The following FAM171A1 variants were observed in gnomAD, a reference collection of about 807,000 sequenced individuals.
FAM171A1 encodes protein FAM171A1.
In FAM171A1, 23 loss-of-function variants were observed where a neutral mutation model predicts 74.9. The ratio of observed to expected loss-of-function variants is 0.31; its 90% CI spans 0.22 to 0.44. FAM171A1 has a LOEUF of 0.44. FAM171A1 is among the 20% of genes least tolerant of loss of function. The pLI, the probability that FAM171A1 is intolerant of heterozygous loss-of-function variation, is 1.00. For synonymous variants in FAM171A1, 527 were observed against 505.7 expected, an observed-to-expected ratio of 1.04 and a Z score of -0.57; for missense variants, 1,162 against 1,159.2, an observed-to-expected ratio of 1.00 and a Z score of -0.03.
intron 1 of FAM171A1, among the ~76,000 whole-genome samples, chr10:15,352,059 ATTTTTTTTT>A (rs1835886400): frequency 2.2e-5 from 1 of 46,182 alleles, no homozygotes; most frequent in Non-Finnish European, 6.3e-5. Flanking sequence ...AAAAAATACA[ATTTTTTTTT>A]GTAAAAATAC....
intron 1 of FAM171A1, among the ~76,000 whole-genome samples, chr10:15,348,222 G>A (rs145180488): frequency 0.02 from 3,024 of 152,096 alleles, 100 homozygotes; most frequent in African/African-American, 0.07. Flanking sequence ...GAGGTGTTCC[G>A]CCTGCCTCAG....
intron 5 of FAM171A1, among the ~76,000 whole-genome samples, chr10:15,225,396 C>T (rs772999296): frequency 2.0e-5 from 3 of 152,170 alleles, no homozygotes; most frequent in Non-Finnish European, 2.9e-5. Flanking sequence ...TGGGGAAGAG[C>T]CTACTATGGC....
chr10:15,289,064 T>A (rs1396773131), intron 1 of FAM171A1, among the ~76,000 whole-genome samples: 1 of 152,110 alleles, frequency 6.6e-6, no homozygotes, highest in Non-Finnish European at 1.5e-5. Context: ...TCAGGTGATC[T>A]GCCTGCCTTG....
chr10:15,329,783 C>T (rs1835605016), intron 1 of FAM171A1, among the ~76,000 whole-genome samples: 1 of 152,038 alleles, frequency 6.6e-6, no homozygotes, highest in Admixed American at 6.6e-5. Flanking sequence ...AAATTGATAC[C>T]ATTTGAGAAC....
chr10:15,229,518 G>C (rs1335230726), intron 5 of FAM171A1, among the ~76,000 whole-genome samples: 1 of 120,008 alleles, frequency 8.3e-6, no homozygotes, highest in African/African-American at 3.3e-5. Context: ...CATCACCATT[G>C]TCACCCCCCT....
At chr10:15,346,644 C>T (rs1478271524) in intron 1 of FAM171A1, among the ~76,000 whole-genome samples, 4 of 152,344 alleles carry the variant, frequency 2.6e-5, no homozygotes, top group Non-Finnish European at 2.9e-5. Context: ...AGGCTCTTAT[C>T]TGGCTGAGTG....
chr10:15,255,154 T>G (rs1051391309), intron 3 of FAM171A1, among the ~76,000 whole-genome samples: 2 of 152,208 alleles, frequency 1.3e-5, no homozygotes, highest in Non-Finnish European at 2.9e-5. Flanking sequence ...GTGCAAGCAG[T>G]CTTGTCACTG....
intron 6 of FAM171A1, among the ~76,000 whole-genome samples, chr10:15,218,072 A>T (rs55801436): frequency 6.6e-6 from 1 of 151,976 alleles, no homozygotes; most frequent in Admixed American, 6.5e-5. Context: ...TACTCAAAGC[A>T]TTATTGTTTT....
At chr10:15,334,140 G>C (rs568303375) in intron 1 of FAM171A1, among the ~76,000 whole-genome samples, 2 of 152,322 alleles carry the variant, frequency 1.3e-5, no homozygotes, top group South Asian at 4.1e-4. Flanking sequence ...TCTGGCCTAA[G>C]ACTAGGACTT....
chr10:15,246,714 G>A (rs144162348), intron 5 of FAM171A1, among the ~76,000 whole-genome samples: 2,865 of 152,202 alleles, frequency 0.019, 50 homozygotes, highest in Non-Finnish European at 0.027. Flanking sequence ...GTAGAGATAG[G>A]GTTTCACCAT....
At chr10:15,257,621 G>C (rs1395583032) in intron 3 of FAM171A1, among the ~76,000 whole-genome samples, 1 of 152,052 alleles carries the variant, frequency 6.6e-6, no homozygotes, top group East Asian at 1.9e-4. Flanking sequence ...CAGGCTATGT[G>C]GGGGCAGATC....
chr10:15,366,915 G>T (rs1836069583), intron 1 of FAM171A1, among the ~76,000 whole-genome samples: 1 of 152,168 alleles, frequency 6.6e-6, no homozygotes, highest in Non-Finnish European at 1.5e-5. Context: ...AACTGAGAAA[G>T]TGGCTGGGTG....
At chr10:15,346,481 C>G (rs1013341106) in intron 1 of FAM171A1, among the ~76,000 whole-genome samples, 22 of 152,194 alleles carry the variant, frequency 1.4e-4, no homozygotes, top group African/African-American at 5.3e-4. Flanking sequence ...AATGATTATA[C>G]AGCTCCCGAA....
chr10:15,216,088 A>C lies in FAM171A1; in HGVS notation c.894T>G (p.Ile298Met). 6.2e-7 allele frequency: 1 copy of C among 1,604,794 alleles called. No homozygotes were observed. The highest frequency in any genetic ancestry group is 1.3e-5 in the African/African-American group (1 of 74,518). Residue 298 changes from isoleucine to methionine, a missense_variant, in exon 7 of 8, where the codon ATT (isoleucine) becomes ATG (methionine). Ile to Met is a conservative substitution (Grantham distance 10). Transcript: ENST00000378116. ...PIPGPVVTQD[I>M]TTYHTVFLLA... ...AAAGAAACACCGTGTGATACGTGGT[A>C]ATGTCCTGTGTTACAACGGGACCTA...
chr10:15,325,411 G>A (rs898596955), intron 1 of FAM171A1, among the ~76,000 whole-genome samples: 1 of 152,190 alleles, frequency 6.6e-6, no homozygotes, highest in African/African-American at 2.4e-5. Flanking sequence ...GGGAGGCTGA[G>A]GTGGGAGGAT....
At chr10:15,315,989 T>C (rs973464358) in intron 1 of FAM171A1, among the ~76,000 whole-genome samples, 49 of 152,244 alleles carry the variant, frequency 3.2e-4, no homozygotes, top group African/African-American at 7.5e-4. Context: ...TGTGTTTTTT[T>C]CTGCAATTTT....
chr10:15,249,229 C>T (rs534600384), intron 4 of FAM171A1, among the ~76,000 whole-genome samples: 9 of 151,720 alleles, frequency 5.9e-5, no homozygotes, highest in Non-Finnish European at 8.8e-5. Flanking sequence ...CCCAAGTAGC[C>T]GGTATTACAG....
At chr10:15,295,554 T>C (rs905903990) in intron 1 of FAM171A1, among the ~76,000 whole-genome samples, 4 of 152,278 alleles carry the variant, frequency 2.6e-5, no homozygotes, top group African/African-American at 9.6e-5. Context: ...GTGAAGTTTT[T>C]GGCTTCCTCT....
At chr10:15,298,237 C>T (rs1219521357) in intron 1 of FAM171A1, among the ~76,000 whole-genome samples, 4 of 152,188 alleles carry the variant, frequency 2.6e-5, no homozygotes, top group South Asian at 2.1e-4. Context: ...CAGGTTGAAG[C>T]GATTCTCCTG....
Sources: gnomAD v4.1 joint callset for allele counts (sites outside exome capture counted in the v4.1 genomes callset) on GRCh38, gnomAD v4.1.1 for gene constraint, MANE v1.5 for transcripts, NCBI Gene and HGNC (gene_info 2026-07-23, HGNC 2026-07-21) for gene names.